Variants in GLCE observed in about 807,000 individuals in gnomAD.
GLCE encodes the protein D-glucuronyl C5-epimerase.
GLCE carries 19 observed loss-of-function variants against 47.9 expected under a neutral mutation model. The ratio of observed to expected loss-of-function variants is 0.40; its 90% confidence interval spans 0.28 to 0.58. The LOEUF (loss-of-function observed/expected upper bound fraction) is 0.58. Among genes scored for constraint, GLCE ranks in the 20% least tolerant of loss-of-function variants. The pLI, the probability that GLCE is intolerant of heterozygous loss-of-function variation, is 0.48. For missense variants in GLCE, 556 were observed against 743.3 expected, an observed-to-expected ratio of 0.75 and a Z score of 2.93; for synonymous variants, 245 against 263.4, an observed-to-expected ratio of 0.93 and a Z score of 0.68.
chr15:69,186,647 T>C (rs2051828291), intron 1 of GLCE, among the ~76,000 whole-genome samples: 1 of 152,218 alleles, frequency 6.6e-6, no homozygotes, highest in Admixed American at 6.5e-5. Flanking sequence ...TGTGCAGCTT[T>C]TTTGAAAGTA....
intron 2 of GLCE, among the ~76,000 whole-genome samples, chr15:69,222,769 C>A (rs2052395244): frequency 6.6e-6 from 1 of 152,200 alleles, no homozygotes; most frequent in Non-Finnish European, 1.5e-5. Flanking sequence ...TCCTCTGCAA[C>A]TGATTTCTGT....
chr15:69,177,326 G>T (rs1472278126), intron 1 of GLCE, among the ~76,000 whole-genome samples: 1 of 152,162 alleles, frequency 6.6e-6, no homozygotes, highest in African/African-American at 2.4e-5. Flanking sequence ...GTCTCCCAAA[G>T]TGCTGAGATT....
At chr15:69,236,235 C>A (rs995157450) in intron 2 of GLCE, among the ~76,000 whole-genome samples, 1 of 140,416 alleles carries the variant, frequency 7.1e-6, no homozygotes, top group Non-Finnish European at 1.5e-5. Flanking sequence ...TGTAACCATA[C>A]ATGTTCATAA....
chr15:69,194,228 G>A (rs2051954275), intron 1 of GLCE, among the ~76,000 whole-genome samples: 2 of 152,106 alleles, frequency 1.3e-5, no homozygotes, highest in African/African-American at 2.4e-5. Context: ...GCCTGACTAG[G>A]CTTCAAAAAT....
At position 69,271,550 on chromosome 15, in the gene GLCE, A is replaced by G. The variant is rs1359921771; in HGVS notation, c.*2306A>G. ...ACAGAATTTTCTAGGGTTTTAAATTATGTAAAATGTTTACTTATTCTGAGC... is the reference window on the plus strand; with the variant it reads ...ACAGAATTTTCTAGGGTTTTAAATTGTGTAAAATGTTTACTTATTCTGAGC... On this transcript the variant is annotated 3_prime_UTR_variant, in exon 5 of 5. Coordinates refer to ENST00000261858, the MANE Select transcript of GLCE (RefSeq NM_015554.3). The G allele has an allele frequency of 6.6e-6, 1 of 152,668 alleles. No homozygotes were observed. Among genetic ancestry groups the G allele is most frequent in the East Asian group, 1.9e-4 (1 of 5,204 alleles). 9.5% of individuals were successfully genotyped at this position (152,668 alleles called of 1,614,324 possible).
intron 1 of GLCE, among the ~76,000 whole-genome samples, chr15:69,204,047 A>G (rs1263654345): frequency 2.6e-5 from 4 of 152,050 alleles, no homozygotes; most frequent in Non-Finnish European, 5.9e-5. Context: ...AAATTCCTCT[A>G]CTATGTAGAT....
rs143939226 is a variant in GLCE, at chr15:69,225,092, C to A, written c.-14+14686C>A. Among the ~76,000 whole-genome samples the A allele has an allele frequency of 1.4e-3, 211 of 152,138 alleles. 1 individual carries two copies. The highest frequency in any genetic ancestry group is 5.0e-3 in the African/African-American group (207 of 41,494). On this transcript the variant is annotated intron_variant, in intron 2 of 4. Coordinates refer to ENST00000261858, the MANE Select transcript of GLCE (RefSeq NM_015554.3). ...TCTATGGCTTATGGTGCTACATATA[C>A]CCATAGTGATATAATATGTCTAAAA...
At chr15:69,189,010 A>C (rs1220430452) in intron 1 of GLCE, among the ~76,000 whole-genome samples, 1 of 152,164 alleles carries the variant, frequency 6.6e-6, no homozygotes. Flanking sequence ...TATTTGTTAC[A>C]ACTGAACCTA....
intron 1 of GLCE, among the ~76,000 whole-genome samples, chr15:69,190,444 T>A (rs2051896840): frequency 6.6e-6 from 1 of 152,148 alleles, no homozygotes; most frequent in South Asian, 2.1e-4. Context: ...TTTTATCAGG[T>A]TTTGCTTTAG....
chr15:69,255,347 T>C (rs1273943973), intron 2 of GLCE, among the ~76,000 whole-genome samples: 1 of 152,146 alleles, frequency 6.6e-6, no homozygotes, highest in Non-Finnish European at 1.5e-5. Context: ...TCTAAAGAAA[T>C]ACTCAGTGAA....
chr15:69,247,099 G>A (rs566578165), intron 2 of GLCE, among the ~76,000 whole-genome samples: 33 of 152,334 alleles, frequency 2.2e-4, no homozygotes, highest in South Asian at 1.0e-3. Flanking sequence ...AGCCCCTAAC[G>A]AGAGTCAGCT....
chr15:69,218,958 A>G (rs2052343089), intron 2 of GLCE, among the ~76,000 whole-genome samples: 1 of 152,188 alleles, frequency 6.6e-6, no homozygotes, highest in Admixed American at 6.5e-5. Context: ...AAACAAACTC[A>G]TATAGCTGCA....
chr15:69,177,460 C>A (rs2051685035), intron 1 of GLCE, among the ~76,000 whole-genome samples: 1 of 152,052 alleles, frequency 6.6e-6, no homozygotes, highest in African/African-American at 2.4e-5. Context: ...TGTTATGAGT[C>A]CCTTAGTATA....
At chr15:69,229,609 T>C (rs1164052058) in intron 2 of GLCE, among the ~76,000 whole-genome samples, 1 of 152,162 alleles carries the variant, frequency 6.6e-6, no homozygotes, top group African/African-American at 2.4e-5. Context: ...ATGGAATTTT[T>C]CACATAAGTA....
chr15:69,265,487 T>A (rs970863168), intron 4 of GLCE, among the ~76,000 whole-genome samples: 1 of 152,194 alleles, frequency 6.6e-6, no homozygotes, highest in Non-Finnish European at 1.5e-5. Context: ...TTATAATTGT[T>A]GGTTGGTTAA....
At chr15:69,215,470 T>C (rs1298584590) in intron 2 of GLCE, among the ~76,000 whole-genome samples, 2 of 152,142 alleles carry the variant, frequency 1.3e-5, no homozygotes, top group Non-Finnish European at 2.9e-5. Context: ...TTCATTTATC[T>C]GTTGTGGGAC....
At chr15:69,266,754 T>A in intron 4 of GLCE, 1 of 935,472 alleles carries the variant, frequency 1.1e-6, no homozygotes, top group Non-Finnish European at 1.3e-6. Flanking sequence ...CCATCTCCAA[T>A]ATCATTTGTC....
At chr15:69,196,987 C>A in intron 1 of GLCE, 3 of 272,234 alleles carry the variant, frequency 1.1e-5, no homozygotes, top group South Asian at 9.0e-5. Flanking sequence ...TGTTAATGGT[C>A]ACTGTTTGAT....
At chr15:69,169,858 A>G (rs929570112) in intron 1 of GLCE, among the ~76,000 whole-genome samples, 1 of 152,104 alleles carries the variant, frequency 6.6e-6, no homozygotes, top group Admixed American at 6.6e-5. Flanking sequence ...AAACATACGA[A>G]CACACATAAT....
Sources: gnomAD v4.1 joint callset for allele counts (sites outside exome capture counted in the v4.1 genomes callset) on GRCh38, gnomAD v4.1.1 for gene constraint, MANE v1.5 for transcripts, NCBI Gene and HGNC (gene_info 2026-07-23, HGNC 2026-07-21) for gene names.